Variants in FARS2 observed in about 807,000 individuals in gnomAD.
FARS2 encodes the protein phenylalanine--tRNA ligase, mitochondrial.
A neutral mutation model predicts 46.4 loss-of-function variants in FARS2; 40 were observed. The observed-to-expected ratio is 0.86, with a 90% CI of 0.67 to 1.12. The LOEUF (loss-of-function observed/expected upper bound fraction) is 1.12, where lower values mean the gene tolerates loss of function less well. Among genes scored for constraint, FARS2 ranks in the 50% most tolerant of loss-of-function variants. FARS2 has a pLI of 0.00. For synonymous variants in FARS2, 234 were observed against 214.9 expected (o/e 1.09, Z -0.78); for missense variants, 513 against 567.9 (o/e 0.90, Z 0.98).
chr6:5,510,365 T>G (rs183732382), intron 4 of FARS2, among the ~76,000 whole-genome samples: 1 of 152,304 alleles, frequency 6.6e-6, no homozygotes, highest in African/African-American at 2.4e-5. Context: ...GGTGCCATCC[T>G]GGCCTGCCTC....
intron 6 of FARS2, among the ~76,000 whole-genome samples, chr6:5,730,519 G>GT (rs10609045): frequency 0.17 from 25,194 of 147,886 alleles, 2,185 homozygotes; most frequent in African/African-American, 0.19. Flanking sequence ...TTACAAAGAG[G>GT]TTTTTTTTTT....
chr6:5,408,079 G>A (rs1035013017), intron 3 of FARS2, among the ~76,000 whole-genome samples: 18 of 151,886 alleles, frequency 1.2e-4, no homozygotes, highest in African/African-American at 4.4e-4. Context: ...TTTGCTGTTT[G>A]GTGAGGTTTA....
At chr6:5,477,505 G>A (rs775816320) in intron 4 of FARS2, among the ~76,000 whole-genome samples, 2 of 152,154 alleles carry the variant, frequency 1.3e-5, no homozygotes, top group Non-Finnish European at 2.9e-5. Context: ...CACTTGTCTT[G>A]TCTCACTGCG....
intron 4 of FARS2, among the ~76,000 whole-genome samples, chr6:5,469,688 A>T (rs1167391020): frequency 6.6e-6 from 1 of 152,222 alleles, no homozygotes; most frequent in Non-Finnish European, 1.5e-5. Flanking sequence ...GGCGATGGAA[A>T]AATATGCGGT....
intron 6 of FARS2, among the ~76,000 whole-genome samples, chr6:5,661,451 C>T (rs143208807): frequency 6.6e-6 from 1 of 152,240 alleles, no homozygotes; most frequent in African/African-American, 2.4e-5. Context: ...GAGCAAGGGG[C>T]TTTGCATGAA....
chr6:5,738,754 TAACAC>T (rs1364095942), intron 6 of FARS2, among the ~76,000 whole-genome samples: 1 of 143,266 alleles, frequency 7.0e-6, no homozygotes, highest in Non-Finnish European at 1.5e-5. Flanking sequence ...TAAAAAAACT[TAACAC>T]AGACCATACA....
At chr6:5,269,703 C>G (rs1765810428) in intron 1 of FARS2, among the ~76,000 whole-genome samples, 1 of 152,114 alleles carries the variant, frequency 6.6e-6, no homozygotes. Context: ...TTTTGCTAAT[C>G]ACTGGAAAAA....
In FARS2 at chr6:5,767,355, C is replaced by T. The variant is rs1002248351; in HGVS notation, c.1218-3936C>T. On this transcript the variant is annotated intron_variant, in intron 6 of 6. Coordinates refer to ENST00000274680, the MANE Select transcript of FARS2 (RefSeq NM_006567.5). ...ACAGGCATGAGCCACCGCGCCCGGC[C>T]AATCCATCCAGATATTAGTGGACAT... Among the ~76,000 whole-genome samples the T allele has an allele frequency of 5.3e-5, 8 of 152,298 alleles. No individual in the cohort carries two copies. The East Asian group carries it at 1.5e-3, about 29-fold the overall frequency.
At chr6:5,528,217 T>A (rs569461338) in intron 4 of FARS2, among the ~76,000 whole-genome samples, 9 of 152,036 alleles carry the variant, frequency 5.9e-5, no homozygotes, top group Non-Finnish European at 1.2e-4. Flanking sequence ...AAAAAAGAGA[T>A]GGAGGTTTCA....
chr6:5,409,788 C>A (rs1465605926), intron 3 of FARS2, among the ~76,000 whole-genome samples: 1 of 152,218 alleles, frequency 6.6e-6, no homozygotes, highest in Non-Finnish European at 1.5e-5. Flanking sequence ...CACACAGTGG[C>A]CAGGCATCCT....
chr6:5,525,498 AC>A (rs1238598357), intron 4 of FARS2, among the ~76,000 whole-genome samples: 3 of 152,162 alleles, frequency 2.0e-5, no homozygotes, highest in African/African-American at 7.2e-5. Flanking sequence ...CGTGGCATTG[AC>A]CACATGCCTC....
At chr6:5,598,943 G>A (rs1345791671) in intron 5 of FARS2, among the ~76,000 whole-genome samples, 1 of 152,192 alleles carries the variant, frequency 6.6e-6, no homozygotes. Context: ...CTTTTCCTCT[G>A]TACACTGGAA....
chr6:5,624,578 T>G (rs1454244121), intron 6 of FARS2, among the ~76,000 whole-genome samples: 2 of 152,252 alleles, frequency 1.3e-5, no homozygotes, highest in African/African-American at 4.8e-5. Flanking sequence ...TTTTTAACTT[T>G]CACTTAGCGG....
chr6:5,717,976 G>T (rs549479635), intron 6 of FARS2, among the ~76,000 whole-genome samples: 2 of 119,968 alleles, frequency 1.7e-5, no homozygotes, highest in South Asian at 2.5e-4. Flanking sequence ...GTACAGTGGC[G>T]TGATCTCTGC....
intron 6 of FARS2, among the ~76,000 whole-genome samples, chr6:5,749,262 G>T (rs965694874): frequency 2.7e-4 from 41 of 152,258 alleles, no homozygotes; most frequent in African/African-American, 9.9e-4. Flanking sequence ...AGTGAGGCAG[G>T]ACAACAGAGT....
intron 1 of FARS2, among the ~76,000 whole-genome samples, chr6:5,322,439 G>C (rs552773998): frequency 1.3e-5 from 2 of 152,246 alleles, no homozygotes; most frequent in African/African-American, 4.8e-5. Context: ...AGGAAGCACT[G>C]AGCATGTTCT....
intron 6 of FARS2, among the ~76,000 whole-genome samples, chr6:5,720,357 C>T (rs1759809534): frequency 6.6e-6 from 1 of 152,118 alleles, no homozygotes; most frequent in East Asian, 1.9e-4. Context: ...AGCATTATGG[C>T]TCACAAGAAA....
intron 4 of FARS2, among the ~76,000 whole-genome samples, chr6:5,513,937 T>G (rs1768615209): frequency 6.6e-6 from 1 of 152,030 alleles, no homozygotes; most frequent in African/African-American, 2.4e-5. Context: ...AAAAAAAATT[T>G]AACAACTATT....
intron 1 of FARS2, among the ~76,000 whole-genome samples, chr6:5,278,859 G>A (rs1332636985): frequency 6.6e-6 from 1 of 152,174 alleles, no homozygotes; most frequent in African/African-American, 2.4e-5. Flanking sequence ...TGCCTAGATG[G>A]TTTGGCTTCC....
Sources: gnomAD v4.1 joint callset for allele counts (sites outside exome capture counted in the v4.1 genomes callset) on GRCh38, gnomAD v4.1.1 for gene constraint, MANE v1.5 for transcripts, NCBI Gene and HGNC (gene_info 2026-07-23, HGNC 2026-07-21) for gene names.